Variants in HDAC9 observed in about 807,000 individuals in gnomAD.
The protein encoded by HDAC9 is histone deacetylase 9, also known as MEF-2 interacting transcription repressor (MITR) protein.
In HDAC9, 41 loss-of-function variants were observed where a neutral mutation model predicts 139.4. The ratio of observed to expected loss-of-function variants is 0.29; its 90% CI spans 0.23 to 0.38. HDAC9 has a LOEUF of 0.38. HDAC9 is among the 10% of genes least tolerant of loss of function. HDAC9 has a pLI of 1.00. For missense variants in HDAC9, 1,147 were observed against 1,297.0 expected, an observed-to-expected ratio of 0.88 and a Z score of 1.78; for synonymous variants, 517 against 476.2, an observed-to-expected ratio of 1.09 and a Z score of -1.12.
chr7:18,277,646 G>A (rs191134410), intron 2 of HDAC9, among the ~76,000 whole-genome samples: 1 of 152,208 alleles, frequency 6.6e-6, no homozygotes, highest in East Asian at 1.9e-4. Context: ...AGACTTACTG[G>A]AAGTCATTTT....
At chr7:18,381,549 A>T (rs990299583) in intron 1 of HDAC9, among the ~76,000 whole-genome samples, 1 of 152,132 alleles carries the variant, frequency 6.6e-6, no homozygotes, top group African/African-American at 2.4e-5. Context: ...ATAAAATATC[A>T]TAATGTATGG....
In HDAC9 at chr7:18,319,101, T is replaced by C. The variant is rs116974879; in HGVS notation, c.-42+28586T>C. Among the ~76,000 whole-genome samples, 42 of 152,326 alleles carry C rather than the reference T, an allele frequency of 2.8e-4. 1 individual carries two copies. The East Asian group carries it at 8.1e-3, about 29-fold the overall frequency. ...TAGTAGCATTTACCGTAATTGTTGA[T>C]TGCTTTTACAGTTCTGAGCTGATAA... On this transcript the variant is annotated intron_variant, in intron 1 of 3. Coordinates refer to the HDAC9 transcript ENST00000413509.
At chr7:18,218,289 CA>C (rs1481702115) in intron 2 of HDAC9, among the ~76,000 whole-genome samples, 2 of 151,882 alleles carry the variant, frequency 1.3e-5, no homozygotes, top group Non-Finnish European at 2.9e-5. Flanking sequence ...ACTAAAAATA[CA>C]AAAATTAGCC....
chr7:18,517,839 T>C (rs1289951624), intron 2 of HDAC9: 4 of 152,238 alleles, frequency 2.6e-5, no homozygotes, highest in African/African-American at 9.6e-5. Flanking sequence ...GACAAGAATC[T>C]TCTTTCACAT....
intron 2 of HDAC9, among the ~76,000 whole-genome samples, chr7:18,509,085 TCA>T (rs911476148): frequency 6.6e-6 from 1 of 152,224 alleles, no homozygotes; most frequent in East Asian, 1.9e-4. Flanking sequence ...CTATTTTTCC[TCA>T]CACATTATGC....
chr7:18,984,636 T>C (rs1412861470), intron 25 of HDAC9, among the ~76,000 whole-genome samples: 3 of 151,818 alleles, frequency 2.0e-5, no homozygotes, highest in Non-Finnish European at 2.9e-5. Context: ...TGTTGAGAAA[T>C]AGTGAGTAGT....
intron 25 of HDAC9, among the ~76,000 whole-genome samples, chr7:18,991,443 CT>C (rs1369004448): frequency 6.6e-6 from 1 of 152,160 alleles, no homozygotes; most frequent in Non-Finnish European, 1.5e-5. Context: ...CAAGACCATC[CT>C]GGCTAACACG....
intron 1 of HDAC9, among the ~76,000 whole-genome samples, chr7:18,451,559 A>G (rs1792865918): frequency 6.6e-6 from 1 of 151,996 alleles, no homozygotes; most frequent in South Asian, 2.1e-4. Context: ...TATACAGTAC[A>G]GATCTGACAT....
At chr7:18,340,431 C>A (rs1781917170) in intron 1 of HDAC9, among the ~76,000 whole-genome samples, 1 of 151,438 alleles carries the variant, frequency 6.6e-6, no homozygotes. Flanking sequence ...TCTGTCCGTT[C>A]TTTGTTCCCT....
At chr7:18,339,607 T>G (rs1206255263) in intron 1 of HDAC9, among the ~76,000 whole-genome samples, 1 of 151,552 alleles carries the variant, frequency 6.6e-6, no homozygotes, top group African/African-American at 2.4e-5. Context: ...CACTAAAACA[T>G]AAAAATAACA....
intron 25 of HDAC9, among the ~76,000 whole-genome samples, chr7:18,978,606 A>G (rs1416572463): frequency 6.6e-6 from 1 of 152,194 alleles, no homozygotes; most frequent in African/African-American, 2.4e-5. Context: ...AACACAAAAA[A>G]TCTTGAAGGG....
intron 1 of HDAC9, chr7:18,458,711 A>G: frequency 1.8e-6 from 1 of 555,468 alleles, no homozygotes; most frequent in Non-Finnish European, 3.1e-6. Flanking sequence ...ACTTCGATTA[A>G]TAAATGATAA....
intron 2 of HDAC9, among the ~76,000 whole-genome samples, chr7:18,569,595 A>C (rs1303858510): frequency 6.6e-6 from 1 of 152,266 alleles, no homozygotes; most frequent in African/African-American, 2.4e-5. Flanking sequence ...TAATTCTATA[A>C]ACAGATACTA....
At chr7:18,791,772 G>C (rs1180787196) in intron 16 of HDAC9, among the ~76,000 whole-genome samples, 2 of 152,082 alleles carry the variant, frequency 1.3e-5, no homozygotes, top group Non-Finnish European at 2.9e-5. Context: ...CAACACGTAG[G>C]CCTCTACTAT....
intron 1 of HDAC9, among the ~76,000 whole-genome samples, chr7:18,446,335 A>G (rs1585967508): frequency 6.6e-6 from 1 of 152,240 alleles, no homozygotes; most frequent in African/African-American, 2.4e-5. Flanking sequence ...CCAGCCATGC[A>G]TCAGCATTGG....
intron 22 of HDAC9, among the ~76,000 whole-genome samples, chr7:18,880,149 A>T (rs1799623646): frequency 6.6e-6 from 1 of 152,172 alleles, no homozygotes; most frequent in Admixed American, 6.5e-5. Context: ...AGAAAAAGTC[A>T]AAAAATAACA....
chr7:18,429,661 A>C (rs1214239597), intron 1 of HDAC9, among the ~76,000 whole-genome samples: 3 of 152,004 alleles, frequency 2.0e-5, no homozygotes, highest in South Asian at 4.1e-4. Flanking sequence ...TTTTTGGTAA[A>C]ATTTTTTCAT....
intron 17 of HDAC9, among the ~76,000 whole-genome samples, chr7:18,794,854 A>G (rs147238056): frequency 6.6e-4 from 100 of 152,360 alleles, no homozygotes; most frequent in African/African-American, 2.3e-3. Context: ...TTTAAAGATT[A>G]TGCTGGCACA....
At chr7:18,683,747 C>T (rs1782055361) in intron 12 of HDAC9, among the ~76,000 whole-genome samples, 1 of 152,022 alleles carries the variant, frequency 6.6e-6, no homozygotes, top group Non-Finnish European at 1.5e-5. Flanking sequence ...CCAATCTTTA[C>T]ATTGTTTTAT....
Sources: gnomAD v4.1 joint callset for allele counts (sites outside exome capture counted in the v4.1 genomes callset) on GRCh38, gnomAD v4.1.1 for gene constraint, MANE v1.5 for transcripts, NCBI Gene and HGNC (gene_info 2026-07-23, HGNC 2026-07-21) for gene names.